The following NCALD variants were observed in gnomAD, a reference collection of about 807,000 sequenced individuals.
NCALD encodes neurocalcin delta.
Under a neutral mutation model 18.6 loss-of-function variants are expected in NCALD, and 10 were observed. The observed-to-expected ratio is 0.54, with a 90% CI of 0.33 to 0.91. The LOEUF (loss-of-function observed/expected upper bound fraction) is 0.91, where lower values mean the gene tolerates loss of function less well. NCALD is among the 40% of genes least tolerant of loss of function. NCALD has a pLI of 0.03. For synonymous variants in NCALD, 88 were observed against 87.4 expected (o/e 1.01, Z -0.04); for missense variants, 184 against 247.6 (o/e 0.74, Z 1.72).
At chr8:101,843,665 C>T (rs1473326631) in intron 4 of NCALD, among the ~76,000 whole-genome samples, 1 of 151,008 alleles carries the variant, frequency 6.6e-6, no homozygotes, top group Non-Finnish European at 1.5e-5. Flanking sequence ...CAACTTCCAC[C>T]TCCTGGGTTC....
At chr8:101,699,183 G>C (rs1490720119) in intron 2 of NCALD, among the ~76,000 whole-genome samples, 1 of 151,996 alleles carries the variant, frequency 6.6e-6, no homozygotes, top group Non-Finnish European at 1.5e-5. Context: ...ATGATCATTA[G>C]AGAAATGCGA....
At chr8:101,919,339 G>A (rs1397942899) in intron 2 of NCALD, among the ~76,000 whole-genome samples, 1 of 152,106 alleles carries the variant, frequency 6.6e-6, no homozygotes, top group Non-Finnish European at 1.5e-5. Context: ...GCAAAAGAAT[G>A]AAACTGTACC....
chr8:101,818,467 G>C (rs924879475), intron 4 of NCALD, among the ~76,000 whole-genome samples: 2 of 152,140 alleles, frequency 1.3e-5, no homozygotes, highest in African/African-American at 2.4e-5. Flanking sequence ...ACATATTCAT[G>C]TAAGAGCTGA....
chr8:101,804,339 T>TTATATATTATATATAATTATATCAAC (rs1812985549), intron 4 of NCALD, among the ~76,000 whole-genome samples: 1 of 27,098 alleles, frequency 3.7e-5, no homozygotes, highest in Non-Finnish European at 2.8e-4. Context: ...ATTATATCAA[T>TTATATATTATATATAATTATATCAAC]TATATATTAT....
intron 2 of NCALD, among the ~76,000 whole-genome samples, chr8:101,916,781 A>G (rs1382356013): frequency 1.3e-5 from 2 of 152,162 alleles, no homozygotes; most frequent in Non-Finnish European, 2.9e-5. Context: ...GTAATGATAA[A>G]AAGTTCAATT....
At chr8:101,997,785 C>T (rs753375158) in intron 2 of NCALD, among the ~76,000 whole-genome samples, 3 of 152,150 alleles carry the variant, frequency 2.0e-5, no homozygotes, top group Non-Finnish European at 4.4e-5. Flanking sequence ...CATTTAAGAT[C>T]GTGTTGTTTT....
chr8:101,834,840 C>T (rs1814342806), intron 4 of NCALD, among the ~76,000 whole-genome samples: 1 of 152,198 alleles, frequency 6.6e-6, no homozygotes, highest in Admixed American at 6.5e-5. Flanking sequence ...TCAAGTGTGG[C>T]TGGTTTTATC....
intron 1 of NCALD, among the ~76,000 whole-genome samples, chr8:102,021,438 T>C (rs180894121): frequency 6.6e-6 from 1 of 152,206 alleles, no homozygotes. Flanking sequence ...AATTTTTATT[T>C]TATACATATT....
At chr8:101,857,336 A>G (rs1252305604) in intron 4 of NCALD, among the ~76,000 whole-genome samples, 2 of 152,152 alleles carry the variant, frequency 1.3e-5, no homozygotes, top group Admixed American at 1.3e-4. Context: ...AATTTCCAGC[A>G]TGGCTCCTAT....
intron 1 of NCALD, among the ~76,000 whole-genome samples, chr8:102,057,017 C>T (rs1757542946): frequency 1.3e-5 from 2 of 152,192 alleles, no homozygotes; most frequent in Admixed American, 1.3e-4. Context: ...AGAGCCCTGA[C>T]AGCTGTCCTT....
At chr8:101,850,586 A>G (rs1476073908) in intron 4 of NCALD, among the ~76,000 whole-genome samples, 1 of 152,222 alleles carries the variant, frequency 6.6e-6, no homozygotes, top group Non-Finnish European at 1.5e-5. Context: ...AAACAATGAT[A>G]AAACCCCACA....
intron 4 of NCALD, among the ~76,000 whole-genome samples, chr8:101,811,516 A>G (rs1813303758): frequency 6.6e-6 from 1 of 152,236 alleles, no homozygotes; most frequent in Non-Finnish European, 1.5e-5. Flanking sequence ...AAAGCCACCA[A>G]GTTTGTGATA....
chr8:102,050,156 G>A (rs1823388019), intron 1 of NCALD, among the ~76,000 whole-genome samples: 2 of 55,118 alleles, frequency 3.6e-5, no homozygotes, highest in Non-Finnish European at 3.4e-5. Flanking sequence ...GCGACAGAGC[G>A]AGACTCCGTC....
intron 1 of NCALD, among the ~76,000 whole-genome samples, chr8:102,029,719 G>C (rs567603476): frequency 6.6e-6 from 1 of 152,218 alleles, no homozygotes; most frequent in South Asian, 2.1e-4. Flanking sequence ...CACAGCATTC[G>C]AGCTGAAGGA....
intron 4 of NCALD, among the ~76,000 whole-genome samples, chr8:101,837,604 T>C (rs1814465893): frequency 6.6e-6 from 1 of 152,194 alleles, no homozygotes; most frequent in Non-Finnish European, 1.5e-5. Flanking sequence ...CTACCACTGA[T>C]AGGAATCACC....
intron 4 of NCALD, among the ~76,000 whole-genome samples, chr8:101,868,388 G>A (rs563048290): frequency 6.6e-6 from 1 of 152,190 alleles, no homozygotes; most frequent in South Asian, 2.1e-4. Flanking sequence ...AGGAGAATAG[G>A]GTCGGAAGGC....
intron 1 of NCALD, among the ~76,000 whole-genome samples, chr8:101,764,507 T>G (rs887580513): frequency 1.3e-5 from 2 of 152,080 alleles, no homozygotes; most frequent in African/African-American, 4.8e-5. Context: ...CAAAGTCCCA[T>G]TGGAGTGGGT....
chr8:102,014,919 C>T (rs1385390738), intron 2 of NCALD, among the ~76,000 whole-genome samples: 2 of 152,036 alleles, frequency 1.3e-5, no homozygotes, highest in Non-Finnish European at 2.9e-5. Context: ...TGAGATGGGA[C>T]CTGTGATTCT....
At chr8:102,090,588 T>C (rs1824893488) in intron 1 of NCALD, among the ~76,000 whole-genome samples, 1 of 152,172 alleles carries the variant, frequency 6.6e-6, no homozygotes, top group Admixed American at 6.5e-5. Flanking sequence ...GTAATCTTTT[T>C]TTTACTTTTT....
Sources: allele counts gnomAD v4.1 joint callset (sites outside exome capture counted in the v4.1 genomes callset), GRCh38; gene constraint gnomAD v4.1.1; transcripts MANE v1.5; gene names NCBI Gene and HGNC (gene_info 2026-07-23, HGNC 2026-07-21).